RABGAP1L: variants seen among roughly 807,000 people sequenced by gnomAD.
The protein encoded by RABGAP1L is RAB GTPase activating protein 1 like, also known as rab GTPase-activating protein 1-like.
RABGAP1L carries 63 observed loss-of-function variants against 137.7 expected under a neutral mutation model. The ratio of observed to expected loss-of-function variants is 0.46; its 90% CI spans 0.37 to 0.56. RABGAP1L has a LOEUF of 0.56. Among genes scored for constraint, RABGAP1L ranks in the 20% least tolerant of loss-of-function variants. The pLI, the probability that RABGAP1L is intolerant of heterozygous loss-of-function variation, is 0.00. For missense variants in RABGAP1L, 1,095 were observed against 1,244.0 expected, an observed-to-expected ratio of 0.88 and a Z score of 1.80; for synonymous variants, 431 against 433.7, an observed-to-expected ratio of 0.99 and a Z score of 0.08.
At chr1:174,416,019 C>CATACATATATATATATATATATATAT (rs1192968896) in intron 13 of RABGAP1L, among the ~76,000 whole-genome samples, 1 of 129,050 alleles carries the variant, frequency 7.7e-6, no homozygotes, top group African/African-American at 3.7e-5. Flanking sequence ...AGAAAATTTA[C>CATACATATATATATATATATATATAT]ATATATATAT....
chr1:174,411,637 G>A (rs772815837), intron 13 of RABGAP1L, among the ~76,000 whole-genome samples: 22 of 151,962 alleles, frequency 1.4e-4, no homozygotes, highest in Non-Finnish European at 2.6e-4. Flanking sequence ...TAAGTTTTCT[G>A]TTTCTGTTGT....
At chr1:174,614,600 A>G (rs945331227) in intron 13 of RABGAP1L, among the ~76,000 whole-genome samples, 1 of 152,030 alleles carries the variant, frequency 6.6e-6, no homozygotes, top group African/African-American at 2.4e-5. Flanking sequence ...CATTCTCTGT[A>G]TTTCCTGAAT....
rs368772088 is a variant in RABGAP1L, at chr1:174,305,928, A to G, written c.1465+801A>G. Among the ~76,000 whole-genome samples, 6 of 151,714 alleles carry G rather than the reference A, an allele frequency of 4.0e-5. No individual in the cohort carries two copies. In the South Asian group the frequency reaches 1.0e-3, roughly 26 times the overall value. On this transcript the variant is annotated intron_variant, in intron 11 of 25. Coordinates refer to ENST00000681986, the MANE Select transcript of RABGAP1L (RefSeq NM_001366446.1). Reference sequence around the variant, plus strand: ...TATCCCTCCCCCCTCCTCCCACCCTATAACAGGCCGCAGTGTGTGATGTTC... The same window carrying G: ...TATCCCTCCCCCCTCCTCCCACCCTGTAACAGGCCGCAGTGTGTGATGTTC...
chr1:174,644,157 T>C (rs6703536), intron 14 of RABGAP1L, among the ~76,000 whole-genome samples: 11,906 of 152,058 alleles, frequency 0.078, 655 homozygotes, highest in East Asian at 0.32. Context: ...TTTTAAAATA[T>C]AGATTTTTCT....
At chr1:174,944,779 G>C (rs1194781167) in intron 19 of RABGAP1L, among the ~76,000 whole-genome samples, 1 of 151,190 alleles carries the variant, frequency 6.6e-6, no homozygotes, top group Non-Finnish European at 1.5e-5. Flanking sequence ...CTTTTCCACT[G>C]TTTGTTCTTC....
chr1:174,898,523 T>A (rs1289532075), intron 19 of RABGAP1L, among the ~76,000 whole-genome samples: 2 of 152,208 alleles, frequency 1.3e-5, no homozygotes, highest in Admixed American at 6.5e-5. Flanking sequence ...ATAATTAGAG[T>A]TTCTTTTACT....
At chr1:174,531,948 C>T (rs895665327) in intron 13 of RABGAP1L, among the ~76,000 whole-genome samples, 1 of 152,006 alleles carries the variant, frequency 6.6e-6, no homozygotes, top group African/African-American at 2.4e-5. Context: ...TTATACCTAG[C>T]AAAATTACCA....
intron 1 of RABGAP1L, among the ~76,000 whole-genome samples, chr1:174,192,669 A>G (rs1294137510): frequency 1.3e-5 from 2 of 152,220 alleles, no homozygotes; most frequent in Non-Finnish European, 2.9e-5. Flanking sequence ...ACATGGATCA[A>G]AATAAAGTAT....
At chr1:174,638,432 T>C (rs1376029482) in intron 14 of RABGAP1L, among the ~76,000 whole-genome samples, 2 of 151,676 alleles carry the variant, frequency 1.3e-5, no homozygotes, top group Non-Finnish European at 3.0e-5. Flanking sequence ...TTTTACACTG[T>C]TGGTGGGACT....
chr1:174,945,773 A>C (rs1377002773), intron 19 of RABGAP1L: 1 of 152,266 alleles, frequency 6.6e-6, no homozygotes, highest in Non-Finnish European at 1.5e-5. Context: ...CACTCAGTGA[A>C]GATGTAGGCC....
intron 13 of RABGAP1L, among the ~76,000 whole-genome samples, chr1:174,618,350 T>A (rs1166771733): frequency 6.6e-6 from 1 of 152,086 alleles, no homozygotes; most frequent in Non-Finnish European, 1.5e-5. Context: ...CCTCCTCAAG[T>A]GGGTCTCTGA....
chr1:174,436,844 A>T (rs188058200), intron 13 of RABGAP1L, among the ~76,000 whole-genome samples: 88 of 152,302 alleles, frequency 5.8e-4, no homozygotes, highest in Admixed American at 5.7e-3. Context: ...GAAACCTCAC[A>T]CAGCCAGGTA....
At chr1:174,166,497 T>C (rs1664922554) in intron 1 of RABGAP1L, among the ~76,000 whole-genome samples, 1 of 152,222 alleles carries the variant, frequency 6.6e-6, no homozygotes, top group Admixed American at 6.5e-5. Flanking sequence ...GCTTCTTTAT[T>C]CCAAGAATTT....
chr1:174,563,447 T>A (rs568648666), intron 13 of RABGAP1L, among the ~76,000 whole-genome samples: 1 of 152,322 alleles, frequency 6.6e-6, no homozygotes, highest in African/African-American at 2.4e-5. Flanking sequence ...TACTTTTCTG[T>A]CATCTAAGGC....
chr1:174,695,702 T>C (rs1163628504), intron 15 of RABGAP1L, among the ~76,000 whole-genome samples: 1 of 152,228 alleles, frequency 6.6e-6, no homozygotes, highest in African/African-American at 2.4e-5. Flanking sequence ...AAGTTAAGTA[T>C]TTATTCCAGT....
At chr1:174,717,221 T>C (rs1349295204) in intron 17 of RABGAP1L, among the ~76,000 whole-genome samples, 1 of 152,042 alleles carries the variant, frequency 6.6e-6, no homozygotes, top group Non-Finnish European at 1.5e-5. Flanking sequence ...ACCAGCCTGA[T>C]CAACGTGGCG....
intron 13 of RABGAP1L, among the ~76,000 whole-genome samples, chr1:174,531,630 G>A (rs1664413936): frequency 6.6e-6 from 1 of 151,750 alleles, no homozygotes; most frequent in Non-Finnish European, 1.5e-5. Flanking sequence ...CTACTTGGGG[G>A]GCCAAGGTGG....
intron 3 of RABGAP1L, among the ~76,000 whole-genome samples, chr1:174,230,472 T>C (rs950124496): frequency 6.6e-6 from 1 of 152,176 alleles, no homozygotes; most frequent in East Asian, 1.9e-4. Context: ...TTTCTGGTCT[T>C]GTCCTGTGTC....
intron 21 of RABGAP1L, among the ~76,000 whole-genome samples, chr1:174,971,547 G>A (rs974066772): frequency 6.6e-6 from 1 of 152,038 alleles, no homozygotes; most frequent in Non-Finnish European, 1.5e-5. Context: ...AATATGACCT[G>A]GACCCTCCCT....
Sources: gnomAD v4.1 joint callset for allele counts (sites outside exome capture counted in the v4.1 genomes callset) on GRCh38, gnomAD v4.1.1 for gene constraint, MANE v1.5 for transcripts, NCBI Gene and HGNC (gene_info 2026-07-23, HGNC 2026-07-21) for gene names.